CTNNA3: variants seen among roughly 807,000 people sequenced by gnomAD.
CTNNA3 encodes the protein catenin alpha 3.
A neutral mutation model predicts 95.7 loss-of-function variants in CTNNA3; 76 were observed. That is an observed-to-expected ratio of 0.79 (90% CI 0.66 to 0.96). CTNNA3 has a LOEUF of 0.96. CTNNA3 is among the 40% of genes least tolerant of loss of function. The probability of loss-of-function intolerance (pLI) is 0.00; values close to 1 mark genes in which losing one functional copy is unlikely to be tolerated. For missense variants in CTNNA3, 1,191 were observed against 1,089.8 expected, an observed-to-expected ratio of 1.09 and a Z score of -1.31; for synonymous variants, 431 against 374.4, an observed-to-expected ratio of 1.15 and a Z score of -1.74.
intron 5 of CTNNA3, among the ~76,000 whole-genome samples, chr10:67,460,665 G>A (rs1394996454): frequency 6.6e-6 from 1 of 151,906 alleles, no homozygotes; most frequent in Admixed American, 6.6e-5. Flanking sequence ...TTGCTGCCAA[G>A]TGTCCTGAGA....
At chr10:66,021,851 G>GGTTTTTTTTTTTTTTTTTTTTTTTT (rs1564583857) in intron 15 of CTNNA3, among the ~76,000 whole-genome samples, 1 of 41,680 alleles carries the variant, frequency 2.4e-5, no homozygotes, top group Non-Finnish European at 4.7e-5. Flanking sequence ...CAGGATCTTG[G>GGTTTTTTTTTTTTTTTTTTTTTTTT]CTTTTTTTTT....
chr10:67,489,788 T>TTATATATATATATATATATA (rs372899542), intron 5 of CTNNA3, among the ~76,000 whole-genome samples: 88 of 142,424 alleles, frequency 6.2e-4, no homozygotes, highest in African/African-American at 2.4e-3. Flanking sequence ...ATACATGATT[T>TTATATATATATATATATATA]TATATATATA....
intron 1 of CTNNA3, among the ~76,000 whole-genome samples, chr10:67,680,487 C>T (rs978948425): frequency 5.3e-5 from 8 of 152,128 alleles, no homozygotes; most frequent in Non-Finnish European, 8.8e-5. Flanking sequence ...AGGAAAGCTG[C>T]GATGGGGCTT....
At chr10:67,098,621 G>A (rs190579045) in intron 7 of CTNNA3, 10 of 152,386 alleles carry the variant, frequency 6.6e-5, no homozygotes, top group African/African-American at 2.4e-4. Context: ...AGTAACCATT[G>A]TTAAGGGTTG....
At chr10:67,277,386 G>A (rs755385942) in intron 5 of CTNNA3, among the ~76,000 whole-genome samples, 11 of 152,122 alleles carry the variant, frequency 7.2e-5, no homozygotes, top group Non-Finnish European at 1.3e-4. Flanking sequence ...ACCTAAAGTT[G>A]GATAATGATA....
intron 11 of CTNNA3, among the ~76,000 whole-genome samples, chr10:66,456,667 C>T (rs1260954282): frequency 2.0e-5 from 3 of 151,930 alleles, no homozygotes; most frequent in African/African-American, 7.3e-5. Flanking sequence ...CAGAGCAAGA[C>T]TCCATCTCAA....
intron 1 of CTNNA3, among the ~76,000 whole-genome samples, chr10:67,721,369 T>C: frequency 6.6e-6 from 1 of 152,166 alleles, no homozygotes; most frequent in Non-Finnish European, 1.5e-5. Context: ...TCATTTTTTT[T>C]TCTTTAATCT....
At chr10:66,577,725 C>A (rs187154530) in intron 10 of CTNNA3, among the ~76,000 whole-genome samples, 1 of 152,044 alleles carries the variant, frequency 6.6e-6, no homozygotes, top group Non-Finnish European at 1.5e-5. Context: ...GTTACTGCAG[C>A]CTTGTAGTAT....
intron 6 of CTNNA3, among the ~76,000 whole-genome samples, chr10:67,217,342 CA>C (rs1206643707): frequency 2.0e-5 from 3 of 152,150 alleles, no homozygotes; most frequent in Admixed American, 2.0e-4. Context: ...TCAGCCACAG[CA>C]GCTATTTGTA....
intron 10 of CTNNA3, among the ~76,000 whole-genome samples, chr10:66,597,511 C>CATATATATATATAT (rs369390875): frequency 2.7e-4 from 19 of 70,974 alleles, no homozygotes; most frequent in Middle Eastern, 0.01. Context: ...TTATTTCATA[C>CATATATATATATAT]ATATATATAT....
intron 3 of CTNNA3, 86 bp downstream of exon 3, chr10:67,606,771 A>G (rs1267347791): frequency 2.6e-6 from 3 of 1,149,122 alleles, no homozygotes; most frequent in Admixed American, 2.2e-5. Context: ...TGGAGCCAAC[A>G]AAAACAAAAC....
chr10:66,302,121 G>A (rs6480158), intron 12 of CTNNA3, among the ~76,000 whole-genome samples: 73,775 of 151,698 alleles, frequency 0.49, 18,325 homozygotes, highest in African/African-American at 0.59. Flanking sequence ...TAATATCTAC[G>A]AGATCCATGT....
rs148681955 is a variant in CTNNA3, at chr10:66,023,112, A to T, written c.2160-34315T>A. Among the ~76,000 whole-genome samples, 259 of 152,332 alleles carry T rather than the reference A, an allele frequency of 1.7e-3. 2 individuals are homozygous for T. The Middle Eastern group carries it at 0.031, about 18-fold the overall frequency. Reference sequence around the variant, plus strand: ...AGTTTTTAAACCAACCATCTCTAGTACTTAGAACAAAACATATCATGAACT... The same window carrying T: ...AGTTTTTAAACCAACCATCTCTAGTTCTTAGAACAAAACATATCATGAACT... On this transcript the variant is annotated intron_variant, in intron 15 of 17. Transcript: ENST00000433211.
chr10:67,363,975 A>G (rs1473278882), intron 5 of CTNNA3, among the ~76,000 whole-genome samples: 1 of 152,198 alleles, frequency 6.6e-6, no homozygotes, highest in African/African-American at 2.4e-5. Flanking sequence ...AACTCATTTT[A>G]TGAGGCAGCA....
Position 66,613,396 on chromosome 10 carries a change from C to A in CTNNA3, c.1374+8296G>T, listed in dbSNP as rs1191061927. ...CTGCCTCACCCTAGCTTCATGGATG[C>A]TCCCAGTAGGTGGTCCGTAAGTATT... is the stretch of plus-strand genomic sequence containing the variant. On this transcript the variant is annotated intron_variant, in intron 10 of 17. Transcript: ENST00000433211. Among the ~76,000 whole-genome samples the A allele has an allele frequency of 2.0e-5, 3 of 152,038 alleles. No individual in the cohort carries two copies. The East Asian group carries it at 5.8e-4, about 29-fold the overall frequency.
chr10:66,590,756 G>A (rs1341810787), intron 10 of CTNNA3, among the ~76,000 whole-genome samples: 1 of 152,106 alleles, frequency 6.6e-6, no homozygotes, highest in African/African-American at 2.4e-5. Context: ...TAGTTCTAAA[G>A]AGGGAGAAAA....
At chr10:66,657,610 C>T (rs567991637) in intron 9 of CTNNA3, among the ~76,000 whole-genome samples, 15 of 152,250 alleles carry the variant, frequency 9.9e-5, no homozygotes, top group Non-Finnish European at 8.8e-5. Context: ...AAATCAGACC[C>T]TATATTACTG....
intron 1 of CTNNA3, among the ~76,000 whole-genome samples, chr10:67,662,193 T>C (rs1225700662): frequency 2.6e-5 from 4 of 152,166 alleles, no homozygotes; most frequent in South Asian, 2.1e-4. Context: ...CCAAACCCTA[T>C]ATATACTATG....
At chr10:67,131,648 T>C (rs1860013198) in intron 7 of CTNNA3, among the ~76,000 whole-genome samples, 1 of 152,044 alleles carries the variant, frequency 6.6e-6, no homozygotes, top group Admixed American at 6.6e-5. Flanking sequence ...TTGTGTGTTA[T>C]CAGCACCTAG....
Sources: gnomAD v4.1 joint callset for allele counts (sites outside exome capture counted in the v4.1 genomes callset) on GRCh38, gnomAD v4.1.1 for gene constraint, MANE v1.5 for transcripts, NCBI Gene and HGNC (gene_info 2026-07-23, HGNC 2026-07-21) for gene names.